Variants in MKLN1 observed in about 807,000 individuals in gnomAD.
MKLN1 encodes muskelin.
MKLN1 carries 18 observed loss-of-function variants against 99.0 expected under a neutral mutation model. The observed-to-expected ratio is 0.18, with a 90% CI of 0.13 to 0.27. MKLN1 has a LOEUF of 0.27. Ranked by LOEUF, MKLN1 falls within the 10% of genes least tolerant of loss-of-function variation. The probability of loss-of-function intolerance (pLI) is 1.00; values close to 1 mark genes in which losing one functional copy is unlikely to be tolerated. For missense variants in MKLN1, 621 were observed against 875.9 expected, an observed-to-expected ratio of 0.71 and a Z score of 3.67; for synonymous variants, 288 against 293.2, an observed-to-expected ratio of 0.98 and a Z score of 0.18.
At chr7:131,179,873 C>A (rs769559143) in intron 2 of MKLN1, among the ~76,000 whole-genome samples, 1 of 151,366 alleles carries the variant, frequency 6.6e-6, no homozygotes, top group Non-Finnish European at 1.5e-5. Flanking sequence ...TGCACCTGGC[C>A]GATTCTGTTA....
intron 12 of MKLN1, among the ~76,000 whole-genome samples, chr7:131,448,524 G>T (rs1252709555): frequency 6.6e-6 from 1 of 152,142 alleles, no homozygotes; most frequent in Non-Finnish European, 1.5e-5. Context: ...AAACTGTCCA[G>T]AGATAACTTG....
intron 1 of MKLN1, among the ~76,000 whole-genome samples, chr7:131,334,564 C>G (rs1186200743): frequency 1.3e-5 from 2 of 152,110 alleles, no homozygotes; most frequent in Admixed American, 1.3e-4. Flanking sequence ...TTATCTTGAT[C>G]AAATGTTGAG....
intron 14 of MKLN1, among the ~76,000 whole-genome samples, chr7:131,465,649 C>T (rs1391749653): frequency 6.6e-6 from 1 of 152,142 alleles, no homozygotes; most frequent in Non-Finnish European, 1.5e-5. Flanking sequence ...CATCATTCTC[C>T]TGCCTCAGCC....
At chr7:131,278,323 C>A (rs371614725) in intron 3 of MKLN1, among the ~76,000 whole-genome samples, 17 of 152,114 alleles carry the variant, frequency 1.1e-4, no homozygotes, top group East Asian at 3.9e-4. Flanking sequence ...CAGGTATGAG[C>A]CACTGTGCCT....
chr7:131,295,595 G>C (rs1047848889), intron 3 of MKLN1, among the ~76,000 whole-genome samples: 2 of 151,968 alleles, frequency 1.3e-5, no homozygotes, highest in African/African-American at 4.8e-5. Context: ...TACAAATAGA[G>C]TGGCAAAAAG....
At chr7:131,471,153 G>T in intron 16 of MKLN1, 1 of 453,300 alleles carries the variant, frequency 2.2e-6, no homozygotes, top group African/African-American at 2.0e-5. Context: ...AAAACCCTTG[G>T]TCCATTCAGA....
At chr7:131,288,999 A>C (rs1411977581) in intron 3 of MKLN1, among the ~76,000 whole-genome samples, 2 of 152,188 alleles carry the variant, frequency 1.3e-5, no homozygotes, top group African/African-American at 2.4e-5. Context: ...TATTTTTTTA[A>C]AGTAGAAGTA....
chr7:131,192,097 TGTATATATATATTATATATATAC>T (rs1796556203), intron 2 of MKLN1, among the ~76,000 whole-genome samples: 1 of 76,858 alleles, frequency 1.3e-5, no homozygotes, highest in Non-Finnish European at 2.5e-5. Context: ...TATATATATA[TGTATATATATATTATATATATAC>T]GTATATATAT....
intron 2 of MKLN1, among the ~76,000 whole-genome samples, chr7:131,168,989 T>A (rs1283066266): frequency 6.6e-6 from 1 of 151,068 alleles, no homozygotes; most frequent in Admixed American, 6.6e-5. Context: ...TGCCTTAACC[T>A]CCCCAGTAGC....
chr7:131,238,384 T>C (rs1464653978), intron 3 of MKLN1, among the ~76,000 whole-genome samples: 4 of 152,240 alleles, frequency 2.6e-5, no homozygotes, highest in African/African-American at 4.8e-5. Context: ...AAACATTTAT[T>C]GAGCTGTTGC....
chr7:131,128,749 T>C (rs755788596), intron 1 of MKLN1, among the ~76,000 whole-genome samples: 10 of 145,316 alleles, frequency 6.9e-5, no homozygotes, highest in Non-Finnish European at 1.0e-4. Context: ...GGACAACAGG[T>C]GTGTGCCACC....
chr7:131,162,045 CA>C (rs1796062475), intron 2 of MKLN1, among the ~76,000 whole-genome samples: 1 of 147,652 alleles, frequency 6.8e-6, no homozygotes, highest in African/African-American at 2.5e-5. Context: ...TACACACACA[CA>C]CATATATATA....
Position 131,489,102 on chromosome 7 carries a change from A to C in MKLN1, c.*1374A>C, listed in dbSNP as rs1018042760. ...TAAGAGTGAATAGCTTTATGGAATC[A>C]AGTATGTCCCTGAGTAGCAAGATTA... On this transcript the variant is annotated 3_prime_UTR_variant, in exon 18 of 18. Coordinates refer to ENST00000352689, the MANE Select transcript of MKLN1 (RefSeq NM_013255.5). The C allele has an allele frequency of 6.6e-6, 1 of 152,164 alleles. No homozygotes were observed. Among genetic ancestry groups the C allele is most frequent in the Non-Finnish European group, 1.5e-5 (1 of 68,026 alleles). The allele number at this position is 152,164 out of a possible 1,614,324, so 9.4% of individuals were successfully genotyped here.
intron 5 of MKLN1, among the ~76,000 whole-genome samples, chr7:131,398,260 C>T (rs1421926028): frequency 6.6e-6 from 1 of 151,850 alleles, no homozygotes; most frequent in Non-Finnish European, 1.5e-5. Flanking sequence ...TAAAAAAATC[C>T]TTTTTATAAG....
At chr7:131,159,337 TACAC>T (rs149930072) in intron 2 of MKLN1, among the ~76,000 whole-genome samples, 6 of 151,180 alleles carry the variant, frequency 4.0e-5, no homozygotes, top group Non-Finnish European at 7.4e-5. Flanking sequence ...AAAATGTGGA[TACAC>T]ACACACACAC....
chr7:131,330,610 T>C (rs1340727133), intron 1 of MKLN1, among the ~76,000 whole-genome samples: 1 of 152,174 alleles, frequency 6.6e-6, no homozygotes, highest in Non-Finnish European at 1.5e-5. Flanking sequence ...CTATAGTGTT[T>C]TACTGCTTCT....
At chr7:131,203,856 C>CT (rs893140693) in intron 3 of MKLN1, among the ~76,000 whole-genome samples, 8 of 152,124 alleles carry the variant, frequency 5.3e-5, no homozygotes, top group African/African-American at 1.7e-4. Context: ...GAACATGATG[C>CT]TTGGGTCTAG....
At chr7:131,297,059 G>C (rs989931283) in intron 3 of MKLN1, among the ~76,000 whole-genome samples, 1 of 150,408 alleles carries the variant, frequency 6.6e-6, no homozygotes, top group East Asian at 2.1e-4. Context: ...CTCTTAAAAA[G>C]ATATATATAC....
At chr7:131,326,160 T>C (rs1798884758), upstream of MKLN1, among the ~76,000 whole-genome samples, 1 of 152,168 alleles carries the variant, frequency 6.6e-6, no homozygotes, top group Non-Finnish European at 1.5e-5. Context: ...TCCTCCCCTT[T>C]AAAGTGTCTA....
Sources: allele counts gnomAD v4.1 joint callset (sites outside exome capture counted in the v4.1 genomes callset), GRCh38; gene constraint gnomAD v4.1.1; transcripts MANE v1.5; gene names NCBI Gene and HGNC (gene_info 2026-07-23, HGNC 2026-07-21).